Variants in C5orf46 observed in about 807,000 individuals in gnomAD.
C5orf46 encodes the protein uncharacterized protein C5orf46.
A neutral mutation model predicts 8.9 loss-of-function variants in C5orf46; 9 were observed. That is an observed-to-expected ratio of 1.01 (90% CI 0.61 to 1.76). C5orf46 has a LOEUF of 1.76. Ranked by LOEUF, C5orf46 falls within the 40% of genes most tolerant of loss-of-function variation. C5orf46 has a pLI of 0.00. For synonymous variants in C5orf46, 47 were observed against 41.4 expected (o/e 1.14, Z -0.52); for missense variants, 98 against 107.8 (o/e 0.91, Z 0.40).
intron 1 of C5orf46, among the ~76,000 whole-genome samples, chr5:147,902,416 A>C (rs576024864): frequency 1.3e-5 from 2 of 152,238 alleles, no homozygotes; most frequent in East Asian, 3.9e-4. Context: ...GTTCCACTGC[A>C]CTCCAAGCCT....
intron 3 of C5orf46, among the ~76,000 whole-genome samples, chr5:147,894,543 C>T (rs1757550392): frequency 6.6e-6 from 1 of 152,022 alleles, no homozygotes; most frequent in Non-Finnish European, 1.5e-5. Flanking sequence ...AATGCTTATC[C>T]CCTCCTCCAG....
chr5:147,897,175 C>T (rs1757594295), intron 2 of C5orf46, 134 bp from the exon 3 acceptor site: 1 of 433,908 alleles, frequency 2.3e-6, no homozygotes, highest in Non-Finnish European at 4.1e-6. Context: ...AGAAATAAGA[C>T]CTAAAATTTC....
chr5:147,891,930 C>T (rs1006891111), downstream of C5orf46, among the ~76,000 whole-genome samples: 1 of 149,374 alleles, frequency 6.7e-6, no homozygotes, highest in African/African-American at 2.6e-5. Context: ...CCTCTTCTGG[C>T]TAAGTAAAAA....
rs535741380 is a variant in C5orf46, at chr5:147,901,084, C to T, written c.215+545G>A. On this transcript the variant is annotated intron_variant, in intron 2 of 3. Coordinates refer to ENST00000318315, the MANE Select transcript of C5orf46 (RefSeq NM_206966.3). ...ATTGTCTTTAAAGAGAGGTTATCTA[C>T]TGTCTCTGCTAACCTTCTTGAGCTA... 3.9e-5 allele frequency among the ~76,000 whole-genome samples: 6 copies of T among 152,278 alleles called. No individual in the cohort carries two copies. The East Asian group carries it at 1.2e-3, about 29-fold the overall frequency.
downstream of C5orf46, among the ~76,000 whole-genome samples, chr5:147,892,361 T>C (rs1044881591): frequency 6.6e-6 from 1 of 152,204 alleles, no homozygotes; most frequent in Non-Finnish European, 1.5e-5. Context: ...AATGATTTTA[T>C]TAATTTTAAA....
Position 147,901,724 on chromosome 5 carries a change from G to A in C5orf46, c.120C>T (p.Asp40=), listed in dbSNP as rs1757673634. 6.2e-7 allele frequency: 1 copy of A among 1,613,890 alleles called. No individual in the cohort carries two copies. The highest frequency in any genetic ancestry group is 1.3e-5 in the African/African-American group (1 of 74,910). ...GGAATTTGGGGAAGTCTGGCTTTGG[G>A]TCTTTGCCCGAGTCGTCTGGCTTGT... The part of the protein sequence containing the change: ...PDDKPDDSGK[D]PKPDFPKFLS... Residue 40 remains aspartate, a synonymous_variant, in exon 2 of 4, where the codon GAC becomes GAT. Transcript: ENST00000318315.
rs572787523 is a variant in C5orf46, at chr5:147,897,273, C to T, written c.216-232G>A. Among the ~76,000 whole-genome samples the T allele has an allele frequency of 8.5e-5, 13 of 152,326 alleles. No individual in the cohort carries two copies. The Middle Eastern group carries it at 0.01, about 120-fold the overall frequency. ...CCCATTAGTTAGGTATCTATTCACA[C>T]ATAAACTCCATAAAGTCATATATTT... is the stretch of plus-strand genomic sequence containing the variant. On this transcript the variant is annotated intron_variant, in intron 2 of 3. Coordinates refer to ENST00000318315, the MANE Select transcript of C5orf46 (RefSeq NM_206966.3).
At chr5:147,889,877 G>A (rs1229869033), downstream of C5orf46, among the ~76,000 whole-genome samples, 2 of 152,112 alleles carry the variant, frequency 1.3e-5, no homozygotes, top group African/African-American at 4.8e-5. Context: ...AGCATGGAAG[G>A]TATCCTAATG....
At chr5:147,895,832 G>A (rs1004597297) in intron 3 of C5orf46, among the ~76,000 whole-genome samples, 1 of 152,110 alleles carries the variant, frequency 6.6e-6, no homozygotes, top group African/African-American at 2.4e-5. Context: ...CAGGAGTGTC[G>A]GGGTTGGGCA....
chr5:147,896,103 G>T (rs1757576198), intron 3 of C5orf46, among the ~76,000 whole-genome samples: 1 of 152,126 alleles, frequency 6.6e-6, no homozygotes, highest in Admixed American at 6.5e-5. Flanking sequence ...TGAACATCTT[G>T]AGGTATGACT....
chr5:147,886,253 GTGTTTTACC>G (rs1431985529), intron 2 of C5orf46: 1 of 152,074 alleles, frequency 6.6e-6, no homozygotes, highest in Non-Finnish European at 1.5e-5. Flanking sequence ...GAAATATTCT[GTGTTTTACC>G]TGTATCAATG....
At chr5:147,891,497 T>C (rs1757502824), downstream of C5orf46, among the ~76,000 whole-genome samples, 1 of 152,194 alleles carries the variant, frequency 6.6e-6, no homozygotes, top group Non-Finnish European at 1.5e-5. Flanking sequence ...TGTATTGATA[T>C]GGCACTTTCC....
chr5:147,901,677 A>C lies in C5orf46; in HGVS notation c.167T>G (p.Ile56Ser), dbSNP rs773577807. The stretch of plus-strand genomic sequence containing the variant: ...GATGAACTCGACTGCATTCTCAATG[A>C]TCTCTGTGCCCAGGAGGCTTAGGAA... ...PKFLSLLGTE[I>S]IENAVEFILR... The change falls in exon 2 of 4, where the codon ATC becomes AGC. Residue 56 changes from isoleucine to serine, a missense_variant. Physicochemically the swap from Ile to Ser is moderately radical, Grantham distance 142 (BLOSUM62 -2). Transcript: ENST00000318315. 4.3e-6 allele frequency: 7 copies of C among 1,613,974 alleles called. No individual in the cohort carries two copies. Among genetic ancestry groups the C allele is most frequent in the African/African-American group, 1.3e-5 (1 of 74,976 alleles).
intron 3 of C5orf46, among the ~76,000 whole-genome samples, chr5:147,896,288 C>T (rs553262561): frequency 5.3e-5 from 8 of 152,154 alleles, no homozygotes; most frequent in African/African-American, 1.4e-4. Flanking sequence ...CTCCCTGAAC[C>T]TTCATTTCCT....
At chr5:147,896,961 G>A (rs1395862388) in intron 3 of C5orf46, 23 bp downstream of exon 3, 2 of 1,325,090 alleles carry the variant, frequency 1.5e-6, no homozygotes, top group East Asian at 2.4e-5. Context: ...TATTTCAGTT[G>A]TAAATTTTAA....
intron 2 of C5orf46, among the ~76,000 whole-genome samples, chr5:147,900,628 C>T (rs142707791): frequency 6.6e-6 from 1 of 152,242 alleles, no homozygotes; most frequent in East Asian, 1.9e-4. Flanking sequence ...TTGTTGAAAA[C>T]CATATCCATG....
chr5:147,896,481 G>A (rs1291593091), intron 3 of C5orf46, among the ~76,000 whole-genome samples: 2 of 152,112 alleles, frequency 1.3e-5, no homozygotes, highest in Non-Finnish European at 2.9e-5. Flanking sequence ...ATTTCAATAT[G>A]CATTTTCAGG....
rs1205507675 is a variant in C5orf46 at position 147,901,702 on chromosome 5, A to C, written c.142T>G (p.Phe48Val). ...ATCTCTGTGCCCAGGAGGCTTAGGAATTTGGGGAAGTCTGGCTTTGGGTCT... is the reference window on the plus strand; with the variant it reads ...ATCTCTGTGCCCAGGAGGCTTAGGACTTTGGGGAAGTCTGGCTTTGGGTCT... Reference protein sequence around the residue: ...GKDPKPDFPKFLSLLGTEIIE... With the variant: ...GKDPKPDFPKVLSLLGTEIIE... The change falls in exon 2 of 4, where the codon TTC becomes GTC. Residue 48 changes from phenylalanine to valine, a missense_variant. By Grantham distance (50) the Phe-to-Val change is conservative. Coordinates refer to ENST00000318315, the MANE Select transcript of C5orf46 (RefSeq NM_206966.3). 6.2e-7 allele frequency: 1 copy of C among 1,613,974 alleles called. No homozygotes were observed. Among genetic ancestry groups the C allele is most frequent in the Non-Finnish European group, 8.5e-7 (1 of 1,179,962 alleles).
downstream of C5orf46, among the ~76,000 whole-genome samples, chr5:147,888,031 G>A (rs924546804): frequency 2.0e-5 from 3 of 152,062 alleles, no homozygotes; most frequent in Non-Finnish European, 4.4e-5. Flanking sequence ...AAAAGCCTTG[G>A]GAAATTTTGT....
Sources: gnomAD v4.1 joint callset for allele counts (sites outside exome capture counted in the v4.1 genomes callset) on GRCh38, gnomAD v4.1.1 for gene constraint, MANE v1.5 for transcripts, NCBI Gene and HGNC (gene_info 2026-07-23, HGNC 2026-07-21) for gene names.